The following UBE2H variants were observed in gnomAD, a reference collection of about 807,000 sequenced individuals.
The protein encoded by UBE2H is ubiquitin-conjugating enzyme E2 H.
Under a neutral mutation model 29.0 loss-of-function variants are expected in UBE2H, and 3 were observed. The observed-to-expected ratio is 0.10, with a 90% CI of 0.05 to 0.27. UBE2H has a LOEUF of 0.27. Among genes scored for constraint, UBE2H ranks in the 10% least tolerant of loss-of-function variants. The pLI is 1.00. For missense variants in UBE2H, 68 were observed against 228.2 expected (o/e 0.30, Z 4.52); for synonymous variants, 69 against 82.9 (o/e 0.83, Z 0.91).
intron 1 of UBE2H, among the ~76,000 whole-genome samples, chr7:129,945,432 A>C (rs1278007066): frequency 1.3e-5 from 2 of 152,234 alleles, no homozygotes; most frequent in African/African-American, 4.8e-5. Flanking sequence ...AAAACATCAA[A>C]GTTTAAACAA....
chr7:129,848,285 T>C (rs993624146), intron 5 of UBE2H, among the ~76,000 whole-genome samples: 22 of 152,204 alleles, frequency 1.4e-4, no homozygotes, highest in African/African-American at 4.1e-4. Context: ...CAATGATTAT[T>C]TGCCAATCAA....
rs1806240601 is a variant in UBE2H, at chr7:129,880,948, G to A, written c.77C>T (p.Thr26Met). ...AAATTCATTAAGTCCTCCCAGGATC[G>A]TAACCTCATGTTTACTCTCGATGCT... ...VKLIESKHEV[T>M]ILGGLNEFVV... is the part of the protein sequence containing the mutation. Residue 26 changes from threonine to methionine, a missense_variant, in exon 2 of 7, where the codon ACG (threonine) becomes ATG (methionine). Physicochemically the swap from Thr to Met is moderately conservative, Grantham distance 81. Transcript: ENST00000355621. 1 of 1,613,520 alleles carries A rather than the reference G, an allele frequency of 6.2e-7. No homozygotes were observed. The highest frequency in any genetic ancestry group is 8.5e-7 in the Non-Finnish European group (1 of 1,179,780).
intron 3 of UBE2H, among the ~76,000 whole-genome samples, chr7:129,863,808 G>GTTTTTTTTTTTCTGTTTTC (rs1554432032): frequency 7.4e-6 from 1 of 136,042 alleles, no homozygotes; most frequent in Non-Finnish European, 1.6e-5. Context: ...AATACTAGGT[G>GTTTTTTTTTTTCTGTTTTC]TTTTTTTTTT....
At chr7:129,877,970 T>C (rs917987531) in intron 3 of UBE2H, among the ~76,000 whole-genome samples, 17 of 152,196 alleles carry the variant, frequency 1.1e-4, no homozygotes, top group African/African-American at 4.1e-4. Context: ...TTTTAGCCTT[T>C]AGGTAAACAG....
intron 1 of UBE2H, among the ~76,000 whole-genome samples, chr7:129,943,669 G>A (rs1255568425): frequency 6.6e-6 from 1 of 152,156 alleles, no homozygotes; most frequent in African/African-American, 2.4e-5. Flanking sequence ...GAGAGGCAGA[G>A]GCAGGCGGAT....
At chr7:129,875,283 T>C (rs767197140) in intron 3 of UBE2H, among the ~76,000 whole-genome samples, 20 of 152,232 alleles carry the variant, frequency 1.3e-4, no homozygotes, top group Admixed American at 7.9e-4. Flanking sequence ...AGTTGTACTA[T>C]ATAAAAAACA....
chr7:129,851,358 C>T (rs1327369962), intron 5 of UBE2H, among the ~76,000 whole-genome samples: 1 of 152,164 alleles, frequency 6.6e-6, no homozygotes, highest in African/African-American at 2.4e-5. Context: ...TATTAACCTT[C>T]CAGAAATGAG....
At chr7:129,909,001 C>A (rs1252779260) in intron 1 of UBE2H, among the ~76,000 whole-genome samples, 2 of 152,180 alleles carry the variant, frequency 1.3e-5, no homozygotes, top group African/African-American at 2.4e-5. Context: ...CAATTTAACT[C>A]ACTTTTATCT....
intron 1 of UBE2H, among the ~76,000 whole-genome samples, chr7:129,900,607 T>C (rs1806690900): frequency 6.6e-6 from 1 of 152,344 alleles, no homozygotes; most frequent in African/African-American, 2.4e-5. Context: ...TTAGAGATTA[T>C]ATTATGACCA....
At chr7:129,867,727 A>C (rs1402860155) in intron 3 of UBE2H, among the ~76,000 whole-genome samples, 2 of 127,640 alleles carry the variant, frequency 1.6e-5, no homozygotes, top group South Asian at 2.6e-4. Context: ...AGAAAACCAA[A>C]AAAAAAAAAA....
At chr7:129,897,826 TA>T (rs1563038805) in intron 1 of UBE2H, among the ~76,000 whole-genome samples, 1 of 152,144 alleles carries the variant, frequency 6.6e-6, no homozygotes, top group East Asian at 1.9e-4. Flanking sequence ...TAAAGAGATA[TA>T]GAAAAATAGT....
chr7:129,868,384 T>C (rs1323152448), intron 3 of UBE2H, among the ~76,000 whole-genome samples: 2 of 151,300 alleles, frequency 1.3e-5, no homozygotes, highest in Non-Finnish European at 2.9e-5. Flanking sequence ...ATCGAGACCA[T>C]CCTGGCTAAC....
chr7:129,875,218 A>G (rs994556509), intron 3 of UBE2H, among the ~76,000 whole-genome samples: 3 of 152,256 alleles, frequency 2.0e-5, no homozygotes, highest in African/African-American at 7.2e-5. Flanking sequence ...CTGAACAGCT[A>G]TGGATAACAT....
intron 1 of UBE2H, among the ~76,000 whole-genome samples, chr7:129,924,616 T>TCACACACACA (rs147228151): frequency 0.039 from 5,622 of 143,940 alleles, 127 homozygotes; most frequent in Admixed American, 0.07. Context: ...CCTTTTACAT[T>TCACACACACA]CACACACACA....
At chr7:129,838,559 T>C (rs1324898804) in intron 6 of UBE2H, among the ~76,000 whole-genome samples, 6 of 152,244 alleles carry the variant, frequency 3.9e-5, no homozygotes, top group Admixed American at 6.5e-5. Context: ...GAGCTTCATG[T>C]ATCTAGACTT....
rs140427720 is a variant in UBE2H at position 129,866,884 on chromosome 7, G to A, written c.206-7943C>T. Among the ~76,000 whole-genome samples the A allele has an allele frequency of 1.1e-3, 172 of 152,212 alleles. 1 individual carries two copies. The South Asian group carries it at 0.015, about 13-fold the overall frequency. On this transcript the variant is annotated intron_variant, in intron 3 of 6. Coordinates refer to ENST00000355621, the MANE Select transcript of UBE2H (RefSeq NM_003344.4). Reference sequence around the variant, plus strand: ...TAATGGTATCTACACATCATTAATCGTGAAGATTAAATGAGTTAATATATG... The same window carrying A: ...TAATGGTATCTACACATCATTAATCATGAAGATTAAATGAGTTAATATATG...
rs1805282193 is a variant in UBE2H at position 129,834,228 on chromosome 7, T to C, written c.*709A>G. ...CACGCTCTACCCCAAGAAAAAGAAC[T>C]GGTTCAGAAAACACTTCCCCAAGTT... On this transcript the variant is annotated 3_prime_UTR_variant, in exon 7 of 7. Transcript: ENST00000355621. The C allele has an allele frequency of 6.6e-6, 1 of 152,216 alleles. No individual in the cohort carries two copies. The highest frequency in any genetic ancestry group is 2.4e-5 in the African/African-American group (1 of 41,470). The allele number at this position is 152,216 out of a possible 1,614,324, so 9.4% of individuals were successfully genotyped here.
chr7:129,939,969 A>AG (rs1264308738), intron 1 of UBE2H, among the ~76,000 whole-genome samples: 1 of 151,302 alleles, frequency 6.6e-6, no homozygotes, highest in Admixed American at 6.6e-5. Context: ...AAAAAAAAAA[A>AG]GAAAGAAAGA....
In UBE2H at chr7:129,847,526, T is replaced by TC. The variant is rs1805534573; in HGVS notation, c.299-8192dup. Reference sequence around the variant, plus strand: ...GAGACCCAGTCTCTCTTTTTTTTTTTCCAGAGACAAGTTCTATGTTGCCCA... The same window carrying TC: ...GAGACCCAGTCTCTCTTTTTTTTTTTCCCAGAGACAAGTTCTATGTTGCCCA... On this transcript the variant is annotated intron_variant, in intron 5 of 6. Transcript: ENST00000355621. 3.3e-5 allele frequency among the ~76,000 whole-genome samples: 5 copies of TC among 151,386 alleles called. No individual in the cohort carries two copies. The South Asian group carries it at 1.0e-3, about 31-fold the overall frequency.
Sources: gnomAD v4.1 joint callset for allele counts (sites outside exome capture counted in the v4.1 genomes callset) on GRCh38, gnomAD v4.1.1 for gene constraint, MANE v1.5 for transcripts, NCBI Gene and HGNC (gene_info 2026-07-23, HGNC 2026-07-21) for gene names.